KCNQ5: variants seen among roughly 807,000 people sequenced by gnomAD.
KCNQ5 encodes potassium voltage-gated channel subfamily KQT member 5.
In KCNQ5, 30 loss-of-function variants were observed where a neutral mutation model predicts 98.2. The ratio of observed to expected loss-of-function variants is 0.31; its 90% CI spans 0.23 to 0.41. The LOEUF (loss-of-function observed/expected upper bound fraction) is 0.41. Ranked by LOEUF, KCNQ5 falls within the 10% of genes least tolerant of loss-of-function variation. The pLI is 1.00. For missense variants in KCNQ5, 835 were observed against 1,182.5 expected, an observed-to-expected ratio of 0.71 and a Z score of 4.31; for synonymous variants, 458 against 449.4, an observed-to-expected ratio of 1.02 and a Z score of -0.24.
intron 1 of KCNQ5, among the ~76,000 whole-genome samples, chr6:72,770,621 C>T (rs921969458): frequency 2.2e-4 from 33 of 152,134 alleles, no homozygotes; most frequent in Non-Finnish European, 4.4e-4. Context: ...AAACATTATT[C>T]ATATATGTGT....
At chr6:73,008,470 T>A (rs566518035) in intron 2 of KCNQ5, among the ~76,000 whole-genome samples, 1 of 151,968 alleles carries the variant, frequency 6.6e-6, no homozygotes, top group African/African-American at 2.4e-5. Flanking sequence ...GCTATACTAA[T>A]AACATACAAA....
chr6:72,980,285 A>G (rs999999745), intron 1 of KCNQ5, among the ~76,000 whole-genome samples: 3 of 152,090 alleles, frequency 2.0e-5, no homozygotes, highest in African/African-American at 7.2e-5. Context: ...CCATTTTCAC[A>G]ATATTGATTC....
intron 10 of KCNQ5, among the ~76,000 whole-genome samples, chr6:73,138,840 C>T (rs1165888398): frequency 6.6e-6 from 1 of 152,210 alleles, no homozygotes; most frequent in African/African-American, 2.4e-5. Flanking sequence ...TTGTTCCAGG[C>T]ACTGATGGTA....
At chr6:72,752,595 G>T (rs182580058) in intron 1 of KCNQ5, among the ~76,000 whole-genome samples, 3 of 152,176 alleles carry the variant, frequency 2.0e-5, no homozygotes, top group Admixed American at 2.0e-4. Context: ...GAGTCTCCAA[G>T]TTGTATTCAT....
At chr6:73,124,535 C>T in intron 9 of KCNQ5, 23 bp downstream of exon 9, 1 of 1,610,772 alleles carries the variant, frequency 6.2e-7, no homozygotes, top group African/African-American at 1.3e-5. Flanking sequence ...TCTCTTGCTA[C>T]ATGTTTGTTT....
chr6:73,116,476 T>G (rs1391171826), intron 7 of KCNQ5, among the ~76,000 whole-genome samples: 1 of 152,058 alleles, frequency 6.6e-6, no homozygotes, highest in Non-Finnish European at 1.5e-5. Flanking sequence ...GACCAACCTG[T>G]GCAACATAGC....
intron 2 of KCNQ5, among the ~76,000 whole-genome samples, chr6:73,036,118 G>T (rs1317197016): frequency 6.6e-6 from 1 of 151,572 alleles, no homozygotes; most frequent in African/African-American, 2.4e-5. Flanking sequence ...CGGGCACGGT[G>T]GCTCACTCCT....
Position 72,838,135 on chromosome 6 carries a change from G to A in KCNQ5, c.399-165773G>A, listed in dbSNP as rs1776597649. On this transcript the variant is annotated intron_variant, in intron 1 of 13. Coordinates refer to ENST00000370398, the MANE Select transcript of KCNQ5 (RefSeq NM_019842.4). Reference sequence around the variant, plus strand: ...CACCCCACAACAGGCCCCGACACCAGGTTATTTGATAGCTCTTTCACGGTT... The same window carrying A: ...CACCCCACAACAGGCCCCGACACCAAGTTATTTGATAGCTCTTTCACGGTT... 2.6e-5 allele frequency among the ~76,000 whole-genome samples: 3 copies of A among 116,118 alleles called. No individual in the cohort carries two copies. In the South Asian group the frequency reaches 8.2e-4, roughly 32 times the overall value. 76.2% of individuals were successfully genotyped at this position (116,118 alleles called of 152,430 possible). A position where few individuals can be genotyped will look rare whatever the true frequency, so the allele number is the denominator to read the frequency against.
At chr6:72,703,228 C>T (rs1157194385) in intron 1 of KCNQ5, among the ~76,000 whole-genome samples, 2 of 152,240 alleles carry the variant, frequency 1.3e-5, no homozygotes, top group Non-Finnish European at 2.9e-5. Flanking sequence ...CTTCTTGCAG[C>T]GTCCTGCCCT....
At chr6:72,935,391 T>C (rs906641868) in intron 1 of KCNQ5, among the ~76,000 whole-genome samples, 3 of 152,088 alleles carry the variant, frequency 2.0e-5, no homozygotes, top group African/African-American at 7.2e-5. Flanking sequence ...TATCTTTGTC[T>C]TGTGCCTGAG....
chr6:73,060,602 C>T (rs754221016), intron 3 of KCNQ5, among the ~76,000 whole-genome samples: 9 of 152,050 alleles, frequency 5.9e-5, no homozygotes, highest in South Asian at 2.1e-4. Flanking sequence ...TAAACAGCAA[C>T]GTCAAAAGAC....
chr6:72,721,285 C>CT (rs1304733278), intron 1 of KCNQ5, among the ~76,000 whole-genome samples: 3 of 151,610 alleles, frequency 2.0e-5, no homozygotes, highest in Non-Finnish European at 2.9e-5. Flanking sequence ...AAACAGGTAA[C>CT]TTTTTTTTTC....
At chr6:73,086,773 A>G (rs1489670042) in intron 5 of KCNQ5, among the ~76,000 whole-genome samples, 4 of 152,240 alleles carry the variant, frequency 2.6e-5, no homozygotes, top group African/African-American at 4.8e-5. Context: ...TGTTATTACG[A>G]AACAAGGAGC....
chr6:73,046,243 A>G (rs1402160115), intron 3 of KCNQ5, among the ~76,000 whole-genome samples: 1 of 152,098 alleles, frequency 6.6e-6, no homozygotes, highest in Admixed American at 6.5e-5. Context: ...CTTCAATGGC[A>G]TTATTTTCTA....
In KCNQ5 at chr6:72,999,499, G is replaced by A. The variant is rs192379522; in HGVS notation, c.399-4409G>A. Among the ~76,000 whole-genome samples the A allele has an allele frequency of 1.3e-3, 191 of 152,222 alleles. 1 individual carries two copies. Among genetic ancestry groups the A allele is most frequent in the African/African-American group, 4.4e-3 (184 of 41,538 alleles). ...CATCTTATGATACCTCAGGATTAAC[G>A]TATACATGGAAAAACATTCATATAT... On this transcript the variant is annotated intron_variant, in intron 1 of 13. Coordinates refer to ENST00000370398, the MANE Select transcript of KCNQ5 (RefSeq NM_019842.4).
At chr6:72,771,217 C>G (rs1203672582) in intron 1 of KCNQ5, among the ~76,000 whole-genome samples, 1 of 152,004 alleles carries the variant, frequency 6.6e-6, no homozygotes, top group Non-Finnish European at 1.5e-5. Flanking sequence ...ACAGTGACAA[C>G]AGCAGGTCTC....
intron 1 of KCNQ5, among the ~76,000 whole-genome samples, chr6:72,805,669 T>C (rs2150098470): frequency 1.3e-5 from 2 of 152,240 alleles, no homozygotes; most frequent in South Asian, 4.1e-4. Context: ...TGTGATTCCA[T>C]ATAAATTTTA....
chr6:72,803,744 A>G (rs904569984), intron 1 of KCNQ5, among the ~76,000 whole-genome samples: 5 of 152,162 alleles, frequency 3.3e-5, no homozygotes, highest in Non-Finnish European at 5.9e-5. Flanking sequence ...CTTTGACTAA[A>G]TACTTAATAT....
intron 5 of KCNQ5, among the ~76,000 whole-genome samples, chr6:73,091,421 G>A (rs6905395): frequency 1.3e-5 from 2 of 152,106 alleles, no homozygotes; most frequent in East Asian, 1.9e-4. Context: ...TGTATACCTA[G>A]GTAACAAACC....
Sources: gnomAD v4.1 joint callset for allele counts (sites outside exome capture counted in the v4.1 genomes callset) on GRCh38, gnomAD v4.1.1 for gene constraint, MANE v1.5 for transcripts, NCBI Gene and HGNC (gene_info 2026-07-23, HGNC 2026-07-21) for gene names.